NRCAM: variants seen among roughly 807,000 people sequenced by gnomAD.
NRCAM encodes the protein neuronal cell adhesion molecule.
In NRCAM, 83 loss-of-function variants were observed where a neutral mutation model predicts 156.5. That is an observed-to-expected ratio of 0.53 (90% confidence interval 0.44 to 0.64). NRCAM has a LOEUF of 0.64. Ranked by LOEUF, NRCAM falls within the 30% of genes least tolerant of loss-of-function variation. NRCAM has a pLI of 0.00. For missense variants in NRCAM, 1,417 were observed against 1,597.3 expected (o/e 0.89, Z 1.92); for synonymous variants, 538 against 563.9 (o/e 0.95, Z 0.65).
intron 1 of NRCAM, among the ~76,000 whole-genome samples, chr7:108,428,111 A>T (rs1397235598): frequency 6.6e-6 from 1 of 152,218 alleles, no homozygotes; most frequent in Non-Finnish European, 1.5e-5. Context: ...ACGTTTTAGA[A>T]CTTCATAAAA....
intron 13 of NRCAM, among the ~76,000 whole-genome samples, chr7:108,202,911 T>C (rs137900384): frequency 2.1e-4 from 32 of 152,260 alleles, no homozygotes; most frequent in Middle Eastern, 3.4e-3. Flanking sequence ...ACAGACCTAA[T>C]ACAACGCACG....
At chr7:108,429,200 TTC>T (rs1821529082) in intron 1 of NRCAM, among the ~76,000 whole-genome samples, 4 of 152,338 alleles carry the variant, frequency 2.6e-5, no homozygotes, top group African/African-American at 7.2e-5. Context: ...TTCTTTTTTT[TTC>T]TTTTTGTGAG....
At chr7:108,215,275 C>T (rs1276668781) in intron 11 of NRCAM, among the ~76,000 whole-genome samples, 14 of 143,880 alleles carry the variant, frequency 9.7e-5, no homozygotes, top group East Asian at 8.1e-4. Flanking sequence ...TGCAGTGGTG[C>T]GATCTCGGCT....
At chr7:108,415,893 C>CA (rs796863412) in intron 1 of NRCAM, among the ~76,000 whole-genome samples, 40 of 152,240 alleles carry the variant, frequency 2.6e-4, no homozygotes, top group African/African-American at 8.9e-4. Flanking sequence ...AAAAAACAAA[C>CA]AAAAAAACAA....
chr7:108,354,202 T>C (rs189742728), intron 2 of NRCAM, among the ~76,000 whole-genome samples: 15 of 152,350 alleles, frequency 9.8e-5, no homozygotes, highest in African/African-American at 2.9e-4. Context: ...AATATATAAA[T>C]GGTTTAACAT....
chr7:108,193,559 T>C (rs1175324985), intron 17 of NRCAM, among the ~76,000 whole-genome samples: 2 of 152,232 alleles, frequency 1.3e-5, no homozygotes, highest in East Asian at 3.8e-4. Flanking sequence ...TTGTTTTTCC[T>C]TCCCCTTTCA....
chr7:108,452,956 T>C (rs1852159872), intron 1 of NRCAM, among the ~76,000 whole-genome samples: 1 of 152,208 alleles, frequency 6.6e-6, no homozygotes, highest in Non-Finnish European at 1.5e-5. Context: ...CACTGTTCCT[T>C]GATCTGAGTG....
At chr7:108,312,386 A>G (rs2098814414) in intron 3 of NRCAM, among the ~76,000 whole-genome samples, 1 of 151,832 alleles carries the variant, frequency 6.6e-6, no homozygotes, top group South Asian at 2.1e-4. Flanking sequence ...TCTGCTCTCT[A>G]TTTTCTGGGC....
chr7:108,232,424 C>T lies in NRCAM; in HGVS notation c.329G>A (p.Ser110Asn), dbSNP rs1369672878. 2.5e-6 allele frequency: 4 copies of T among 1,613,674 alleles called. No homozygotes were observed. Among genetic ancestry groups the T allele is most frequent in the Non-Finnish European group, 2.5e-6 (3 of 1,179,790 alleles). The change falls in exon 7 of 33, where the codon AGC becomes AAC. Residue 110 changes from serine to asparagine, a missense_variant. Transcript: ENST00000379028. Reference protein sequence around the residue: ...GTGTLIINIMSEGKAETYEGV... With the variant: ...GTGTLIINIMNEGKAETYEGV... ...TTCATAGGTCTCAGCTTTCCCTTCGCTCATGATGTTAATTATGAGCGTTCC... is the reference window on the plus strand; with the variant it reads ...TTCATAGGTCTCAGCTTTCCCTTCGTTCATGATGTTAATTATGAGCGTTCC...
chr7:108,437,565 T>C (rs1337899622), intron 1 of NRCAM, among the ~76,000 whole-genome samples: 2 of 152,096 alleles, frequency 1.3e-5, no homozygotes, highest in Non-Finnish European at 2.9e-5. Context: ...ACACCTACTA[T>C]GTAGCCGCAA....
chr7:108,282,263 G>T (rs2097888011), intron 3 of NRCAM, among the ~76,000 whole-genome samples: 2 of 152,206 alleles, frequency 1.3e-5, no homozygotes, highest in African/African-American at 2.4e-5. Flanking sequence ...TAAAACACAA[G>T]TTGGAGCACT....
intron 11 of NRCAM, among the ~76,000 whole-genome samples, chr7:108,211,753 AC>A (rs1340698313): frequency 6.6e-6 from 1 of 151,906 alleles, no homozygotes; most frequent in African/African-American, 2.4e-5. Context: ...CCACAGCAAG[AC>A]CCAAAGAGAG....
At chr7:108,197,234 T>G (rs997236247) in intron 14 of NRCAM, among the ~76,000 whole-genome samples, 5 of 152,166 alleles carry the variant, frequency 3.3e-5, no homozygotes, top group Non-Finnish European at 5.9e-5. Flanking sequence ...CACCAATATC[T>G]TAACTGCTTA....
intron 1 of NRCAM, among the ~76,000 whole-genome samples, chr7:108,411,049 T>C (rs1309445677): frequency 6.6e-6 from 1 of 152,226 alleles, no homozygotes; most frequent in Admixed American, 6.5e-5. Context: ...TATATTCTAA[T>C]TGTTGATACT....
At chr7:108,208,849 AT>A (rs1488738251) in intron 12 of NRCAM, among the ~76,000 whole-genome samples, 1 of 152,086 alleles carries the variant, frequency 6.6e-6, no homozygotes, top group African/African-American at 2.4e-5. Flanking sequence ...ACTTATTATT[AT>A]TGACGTTAAC....
chr7:108,306,509 T>C (rs964622926), intron 3 of NRCAM, among the ~76,000 whole-genome samples: 1 of 152,194 alleles, frequency 6.6e-6, no homozygotes, highest in African/African-American at 2.4e-5. Context: ...TTTTAAAACA[T>C]GGCTTTCTAA....
At chr7:108,203,757 CT>C (rs1299168491) in intron 13 of NRCAM, among the ~76,000 whole-genome samples, 1 of 152,204 alleles carries the variant, frequency 6.6e-6, no homozygotes, top group Non-Finnish European at 1.5e-5. Flanking sequence ...TGCACAGCCC[CT>C]GACAACAGTA....
chr7:108,299,144 A>G (rs1483573364), intron 3 of NRCAM, among the ~76,000 whole-genome samples: 2 of 112,418 alleles, frequency 1.8e-5, no homozygotes, highest in Admixed American at 8.7e-5. Context: ...GAAAGAAAAG[A>G]AAAGTAAAAA....
At chr7:108,418,560 T>TACAC (rs59582056) in intron 1 of NRCAM, among the ~76,000 whole-genome samples, 5,872 of 143,636 alleles carry the variant, frequency 0.041, 168 homozygotes, top group East Asian at 0.13. Flanking sequence ...ATACATATTA[T>TACAC]ACACACACAC....
Sources: gnomAD v4.1 joint callset for allele counts (sites outside exome capture counted in the v4.1 genomes callset) on GRCh38, gnomAD v4.1.1 for gene constraint, MANE v1.5 for transcripts, NCBI Gene and HGNC (gene_info 2026-07-23, HGNC 2026-07-21) for gene names.